KALRN: variants seen among roughly 807,000 people sequenced by gnomAD.
KALRN encodes the protein kalirin.
A neutral mutation model predicts 353.7 loss-of-function variants in KALRN; 70 were observed. That is an observed-to-expected ratio of 0.20 (90% CI 0.16 to 0.24). KALRN has a LOEUF of 0.24. KALRN is among the 10% of genes least tolerant of loss of function. The pLI, the probability that KALRN is intolerant of heterozygous loss-of-function variation, is 1.00. For missense variants in KALRN, 2,791 were observed against 3,756.7 expected (o/e 0.74, Z 6.72); for synonymous variants, 1,391 against 1,434.8 (o/e 0.97, Z 0.69).
At chr3:124,480,970 G>A (rs893989373) in intron 27 of KALRN, among the ~76,000 whole-genome samples, 10 of 152,026 alleles carry the variant, frequency 6.6e-5, no homozygotes, top group Non-Finnish European at 1.5e-4. Context: ...GGATGTTTGG[G>A]TTTTTCATGC....
intron 16 of KALRN, among the ~76,000 whole-genome samples, chr3:124,431,763 G>T (rs1357570272): frequency 6.6e-6 from 1 of 152,276 alleles, no homozygotes; most frequent in African/African-American, 2.4e-5. Context: ...TTAATTGCCT[G>T]TGTCTTTTTA....
At chr3:124,474,860 G>T in intron 26 of KALRN, 128 bp downstream of exon 26, 2 of 757,494 alleles carry the variant, frequency 2.6e-6, no homozygotes, top group South Asian at 3.0e-5. Context: ...ACCATGAGTA[G>T]GTCTGAGAGA....
chr3:124,207,059 G>A lies in KALRN; in HGVS notation c.74-20931G>A, dbSNP rs752837409. On this transcript the variant is annotated intron_variant, in intron 1 of 59. Transcript: ENST00000682506. ...AGCAGTGAAATACATGGGATCCACTGGAACATCACAACAAACAAGAAGTTT... is the reference window on the plus strand; with the variant it reads ...AGCAGTGAAATACATGGGATCCACTAGAACATCACAACAAACAAGAAGTTT... Among the ~76,000 whole-genome samples the A allele has an allele frequency of 3.6e-4, 55 of 152,168 alleles. 1 individual carries two copies. The highest frequency in any genetic ancestry group is 2.6e-4 in the Admixed American group (4 of 15,282).
intron 57 of KALRN, among the ~76,000 whole-genome samples, chr3:124,707,076 C>T (rs929268293): frequency 1.3e-5 from 2 of 151,968 alleles, no homozygotes; most frequent in Non-Finnish European, 2.9e-5. Flanking sequence ...TGGTGGCTCA[C>T]GCCTGTAATC....
In KALRN at chr3:124,329,947, C is replaced by CCAT; in HGVS notation, c.1373_1374insTCA (p.His459dup). 1 of 1,613,868 alleles carries CCAT rather than the reference C, an allele frequency of 6.2e-7. No individual in the cohort carries two copies. Among genetic ancestry groups the CCAT allele is most frequent in the Non-Finnish European group, 8.5e-7 (1 of 1,179,924 alleles). Reference sequence around the variant, plus strand: ...TGCAAGACCTAGAGCTGGCAATCCACCACCACCAGACCTTGTATGAGCAGG... The same window carrying CCAT: ...TGCAAGACCTAGAGCTGGCAATCCACCATCACCACCAGACCTTGTATGAGCAGG... On this transcript the variant is annotated inframe_insertion, in exon 8 of 60. Transcript: ENST00000682506.
Position 124,345,724 on chromosome 3 carries a change from G to A in KALRN, c.1648-1419G>A, listed in dbSNP as rs540391277. Among the ~76,000 whole-genome samples, 40 of 152,248 alleles carry A rather than the reference G, an allele frequency of 2.6e-4. No individual in the cohort carries two copies. The South Asian group carries it at 7.7e-3, about 29-fold the overall frequency. On this transcript the variant is annotated intron_variant, in intron 9 of 59. Coordinates refer to ENST00000682506, the MANE Select transcript of KALRN (RefSeq NM_001388419.1). ...TCTTCATTAAGTGGATATTTGTTAA[G>A]CCTCATTTTTATATTCATATATACC... is the stretch of plus-strand genomic sequence containing the variant.
intron 3 of KALRN, among the ~76,000 whole-genome samples, chr3:124,263,778 G>A (rs2073185350): frequency 6.6e-6 from 1 of 152,102 alleles, no homozygotes; most frequent in South Asian, 2.1e-4. Flanking sequence ...ATGTACCAGT[G>A]CCTGTCACTG....
intron 4 of KALRN, among the ~76,000 whole-genome samples, chr3:124,267,137 A>T (rs569416344): frequency 6.6e-6 from 1 of 152,346 alleles, no homozygotes; most frequent in Non-Finnish European, 1.5e-5. Context: ...GACTGGGGTG[A>T]CAAGTGATAC....
intron 37 of KALRN, among the ~76,000 whole-genome samples, chr3:124,645,097 A>T (rs1342346291): frequency 6.6e-6 from 1 of 152,000 alleles, no homozygotes; most frequent in Non-Finnish European, 1.5e-5. Context: ...GCTTTTTTTC[A>T]TGTGTCTGTT....
chr3:124,599,058 T>C (rs2076543086), intron 34 of KALRN, among the ~76,000 whole-genome samples: 3 of 152,154 alleles, frequency 2.0e-5, no homozygotes, highest in Admixed American at 6.5e-5. Context: ...GGGGGTTAGA[T>C]TGGGCAGTCG....
chr3:124,313,153 C>T (rs2078448475), intron 6 of KALRN, among the ~76,000 whole-genome samples: 1 of 152,146 alleles, frequency 6.6e-6, no homozygotes, highest in Non-Finnish European at 1.5e-5. Context: ...TGTCCCCAGG[C>T]GATACACACT....
chr3:124,635,171 G>T (rs2081221306), intron 36 of KALRN, among the ~76,000 whole-genome samples: 1 of 152,138 alleles, frequency 6.6e-6, no homozygotes, highest in Non-Finnish European at 1.5e-5. Flanking sequence ...TAGTAGGAAG[G>T]CTGGTGTTAT....
chr3:124,393,362 G>GA (rs1321137387), intron 11 of KALRN, among the ~76,000 whole-genome samples: 1 of 151,942 alleles, frequency 6.6e-6, no homozygotes, highest in Non-Finnish European at 1.5e-5. Flanking sequence ...TTTCTCTCTA[G>GA]AAAAAACGAC....
intron 1 of KALRN, among the ~76,000 whole-genome samples, chr3:124,221,802 T>G (rs1420832202): frequency 6.6e-6 from 1 of 152,192 alleles, no homozygotes; most frequent in Non-Finnish European, 1.5e-5. Flanking sequence ...CACTGGTTTT[T>G]TATCCAGTCT....
At chr3:124,217,856 T>A (rs1041323076) in intron 1 of KALRN, among the ~76,000 whole-genome samples, 1 of 152,236 alleles carries the variant, frequency 6.6e-6, no homozygotes, top group Non-Finnish European at 1.5e-5. Flanking sequence ...ACCTGGTTGT[T>A]ACTTTGGTCC....
chr3:124,306,109 C>G (rs1334466664), intron 6 of KALRN, among the ~76,000 whole-genome samples: 1 of 152,102 alleles, frequency 6.6e-6, no homozygotes, highest in Non-Finnish European at 1.5e-5. Flanking sequence ...GGGTCTTGCT[C>G]TATCACCCAG....
intron 13 of KALRN, chr3:124,410,163 T>C (rs1343048058): frequency 5.7e-6 from 3 of 525,438 alleles, no homozygotes; most frequent in Non-Finnish European, 1.2e-5. Flanking sequence ...CTGAGATCAC[T>C]CTCTCAACTA....
chr3:124,085,782 T>A (rs2060786044), intron 1 of KALRN, among the ~76,000 whole-genome samples: 1 of 152,242 alleles, frequency 6.6e-6, no homozygotes, highest in African/African-American at 2.4e-5. Context: ...CATAAAATTT[T>A]ACAAAACACA....
intron 5 of KALRN, among the ~76,000 whole-genome samples, chr3:124,292,270 A>G (rs1317492615): frequency 6.6e-6 from 1 of 152,148 alleles, no homozygotes; most frequent in Non-Finnish European, 1.5e-5. Flanking sequence ...TCCCTGGGCC[A>G]TGTTCACAAA....
Sources: gnomAD v4.1 joint callset for allele counts (sites outside exome capture counted in the v4.1 genomes callset) on GRCh38, gnomAD v4.1.1 for gene constraint, MANE v1.5 for transcripts, NCBI Gene and HGNC (gene_info 2026-07-23, HGNC 2026-07-21) for gene names.